HIVEP3: variants seen among roughly 807,000 people sequenced by gnomAD.
The protein encoded by HIVEP3 is HIVEP zinc finger 3.
A neutral mutation model predicts 152.8 loss-of-function variants in HIVEP3; 49 were observed. That is an observed-to-expected ratio of 0.32 (90% CI 0.26 to 0.41). The LOEUF is 0.41. HIVEP3 is among the 10% of genes least tolerant of loss of function. HIVEP3 has a pLI of 1.00. For synonymous variants in HIVEP3, 1,269 were observed against 1,289.0 expected (o/e 0.98, Z 0.33); for missense variants, 2,790 against 3,103.3 (o/e 0.90, Z 2.40).
intron 1 of HIVEP3, among the ~76,000 whole-genome samples, chr1:41,804,660 T>G (rs1205047674): frequency 6.6e-6 from 1 of 152,242 alleles, no homozygotes; most frequent in Non-Finnish European, 1.5e-5. Flanking sequence ...CAAAGTCATC[T>G]GCATCACTGG....
chr1:41,553,322 C>A (rs768958515), intron 5 of HIVEP3, among the ~76,000 whole-genome samples: 1 of 152,066 alleles, frequency 6.6e-6, no homozygotes, highest in African/African-American at 2.4e-5. Flanking sequence ...GATTGCAACC[C>A]CTGCTTTTTT....
intron 1 of HIVEP3, among the ~76,000 whole-genome samples, chr1:41,850,069 T>A (rs1643554248): frequency 6.6e-6 from 1 of 152,226 alleles, no homozygotes; most frequent in Non-Finnish European, 1.5e-5. Flanking sequence ...TTGTAGACTT[T>A]GTTAAAACAC....
intron 1 of HIVEP3, among the ~76,000 whole-genome samples, chr1:42,008,913 CAGG>C: frequency 1.3e-5 from 2 of 152,258 alleles, no homozygotes; most frequent in South Asian, 4.2e-4. Flanking sequence ...ATAAGTCTTC[CAGG>C]AGTTCTGAAT....
intron 5 of HIVEP3, among the ~76,000 whole-genome samples, chr1:41,548,359 G>T (rs1569862899): frequency 6.6e-6 from 1 of 152,144 alleles, no homozygotes; most frequent in Non-Finnish European, 1.5e-5. Context: ...TGCGCTCTTG[G>T]CTCCCAGCCA....
chr1:41,675,540 G>A (rs1645941138), intron 2 of HIVEP3, among the ~76,000 whole-genome samples: 1 of 152,146 alleles, frequency 6.6e-6, no homozygotes, highest in African/African-American at 2.4e-5. Flanking sequence ...GTGCAGTCTT[G>A]TCAGATGAGA....
chr1:41,717,082 C>T (rs1237742427), intron 1 of HIVEP3, among the ~76,000 whole-genome samples: 1 of 152,140 alleles, frequency 6.6e-6, no homozygotes, highest in Non-Finnish European at 1.5e-5. Flanking sequence ...GCAGTTGTGA[C>T]CTTGGTTTCC....
At chr1:41,718,230 C>T (rs1458015404) in intron 1 of HIVEP3, among the ~76,000 whole-genome samples, 3 of 152,184 alleles carry the variant, frequency 2.0e-5, no homozygotes, top group Non-Finnish European at 4.4e-5. Flanking sequence ...AGGGCCTTTG[C>T]CAAGGAGTCT....
intron 2 of HIVEP3, among the ~76,000 whole-genome samples, chr1:41,653,585 C>T (rs2124022154): frequency 6.6e-6 from 1 of 152,270 alleles, no homozygotes; most frequent in Admixed American, 6.5e-5. Context: ...CCCAGATATC[C>T]TACCCTTTTA....
At chr1:41,760,315 G>C (rs556220878) in intron 1 of HIVEP3, among the ~76,000 whole-genome samples, 144 of 152,336 alleles carry the variant, frequency 9.5e-4, no homozygotes, top group African/African-American at 3.2e-3. Context: ...AGCAATACTG[G>C]TGGGGGCCGG....
At position 41,752,969 on chromosome 1, in the gene HIVEP3, G is replaced by A. The variant is rs555011987; in HGVS notation, c.-800-51974C>T. On this transcript the variant is annotated intron_variant, in intron 1 of 8. Transcript: ENST00000372583. ...TGGCTGCTGCTCCACTGGCTACATCGCTGGGCACTGCCTTTGGGTTTTATT... is the reference window on the plus strand; with the variant it reads ...TGGCTGCTGCTCCACTGGCTACATCACTGGGCACTGCCTTTGGGTTTTATT... Among the ~76,000 whole-genome samples, 8 of 152,320 alleles carry A rather than the reference G, an allele frequency of 5.3e-5. No homozygotes were observed. In the South Asian group the frequency reaches 8.3e-4, roughly 16 times the overall value.
intron 2 of HIVEP3, among the ~76,000 whole-genome samples, chr1:41,680,736 C>T (rs12563792): frequency 6.6e-6 from 1 of 152,186 alleles, no homozygotes; most frequent in Non-Finnish European, 1.5e-5. Flanking sequence ...ATCTGCCGCA[C>T]AATGTTGTAT....
intron 1 of HIVEP3, among the ~76,000 whole-genome samples, chr1:41,985,618 G>A (rs989768158): frequency 5.9e-5 from 9 of 152,164 alleles, no homozygotes; most frequent in Non-Finnish European, 1.5e-5. Flanking sequence ...TGAGTTTAGG[G>A]TTTCAACATA....
chr1:42,004,863 A>G (rs755091722), intron 1 of HIVEP3, among the ~76,000 whole-genome samples: 10 of 152,212 alleles, frequency 6.6e-5, no homozygotes, highest in Admixed American at 3.9e-4. Flanking sequence ...TGTGATCTTG[A>G]TGACTGCTAC....
In HIVEP3 at chr1:41,662,712, G is replaced by A. The variant is rs1645736279; in HGVS notation, c.-720-33765C>T. On this transcript the variant is annotated intron_variant, in intron 2 of 8. Transcript: ENST00000372583. The surrounding 1 kb of genome is among the most constrained non-coding windows in gnomAD (Gnocchi z 7.2). ...CACTCCGGGCGCCGCCCCTCCCTCC[G>A]CGCCCGCCCCGGCTCCGGCGCTGTC... 6.6e-6 allele frequency among the ~76,000 whole-genome samples: 1 copy of A among 151,484 alleles called. No homozygotes were observed. Among genetic ancestry groups the A allele is most frequent in the African/African-American group, 2.4e-5 (1 of 41,382 alleles).
At chr1:41,835,025 C>T (rs537021013) in intron 1 of HIVEP3, among the ~76,000 whole-genome samples, 4 of 152,080 alleles carry the variant, frequency 2.6e-5, no homozygotes, top group East Asian at 1.9e-4. Flanking sequence ...ACAAATTCCA[C>T]GAAGCCATTG....
chr1:41,817,313 G>A (rs919847185), intron 1 of HIVEP3, among the ~76,000 whole-genome samples: 1 of 152,154 alleles, frequency 6.6e-6, no homozygotes, highest in African/African-American at 2.4e-5. Context: ...CAATAATTTG[G>A]GGTGGAGGGA....
intron 1 of HIVEP3, among the ~76,000 whole-genome samples, chr1:41,776,164 T>C (rs1648693811): frequency 6.6e-6 from 1 of 152,248 alleles, no homozygotes; most frequent in South Asian, 2.1e-4. Flanking sequence ...AAGCAGGCCC[T>C]GCCCGTGCAG....
chr1:41,531,196 G>GGACC (rs1483077480), intron 5 of HIVEP3, among the ~76,000 whole-genome samples: 1 of 148,180 alleles, frequency 6.7e-6, no homozygotes, highest in African/African-American at 2.5e-5. Flanking sequence ...GAGAGATGGA[G>GGACC]GACTGGAGAG....
At chr1:41,758,789 A>C (rs945209306) in intron 1 of HIVEP3, among the ~76,000 whole-genome samples, 13 of 152,204 alleles carry the variant, frequency 8.5e-5, no homozygotes, top group African/African-American at 2.9e-4. Flanking sequence ...TTGATTTGTA[A>C]GATTTTCTCT....
Sources: gnomAD v4.1 joint callset for allele counts (sites outside exome capture counted in the v4.1 genomes callset) on GRCh38, gnomAD v4.1.1 for gene constraint, Gnocchi (gnomAD v3.1) non-coding constraint, MANE v1.5 for transcripts, NCBI Gene and HGNC (gene_info 2026-07-23, HGNC 2026-07-21) for gene names.